The following PWP1 variants were observed in gnomAD, a reference collection of about 807,000 sequenced individuals.
PWP1 encodes periodic tryptophan protein 1 homolog.
A neutral mutation model predicts 69.9 loss-of-function variants in PWP1; 47 were observed. That is an observed-to-expected ratio of 0.67 (90% CI 0.53 to 0.86). PWP1 has a LOEUF of 0.86. Ranked by LOEUF, PWP1 falls within the 40% of genes least tolerant of loss-of-function variation. The pLI is 0.00. For synonymous variants in PWP1, 222 were observed against 208.2 expected, an observed-to-expected ratio of 1.07 and a Z score of -0.57; for missense variants, 551 against 608.8, an observed-to-expected ratio of 0.91 and a Z score of 1.00.
intron 10 of PWP1, 98 bp downstream of exon 10, chr12:107,703,844 G>C: frequency 3.6e-6 from 4 of 1,118,496 alleles, no homozygotes; most frequent in Non-Finnish European, 5.4e-6. Flanking sequence ...GTATCCTTGA[G>C]GCCACCTTTA....
chr12:107,702,171 C>G (rs138877865), intron 8 of PWP1, among the ~76,000 whole-genome samples: 1 of 152,090 alleles, frequency 6.6e-6, no homozygotes, highest in African/African-American at 2.4e-5. Flanking sequence ...TATGAACTTG[C>G]CAACTTTGTT....
chr12:107,699,330 AGGGGG>A (rs752010110), intron 7 of PWP1, 38 bp from the exon 8 acceptor site: 2 of 1,408,288 alleles, frequency 1.4e-6, no homozygotes, highest in Admixed American at 3.6e-5. Flanking sequence ...TTTTATTATG[AGGGGG>A]ACTTTAATAC....
intron 3 of PWP1, among the ~76,000 whole-genome samples, chr12:107,689,989 A>G (rs538986894): frequency 6.6e-6 from 1 of 152,296 alleles, no homozygotes; most frequent in African/African-American, 2.4e-5. Flanking sequence ...GGTTTGAGAA[A>G]TAGGCATTTG....
chr12:107,698,361 G>GA (rs995432445), intron 7 of PWP1, among the ~76,000 whole-genome samples: 1 of 150,560 alleles, frequency 6.6e-6, no homozygotes, highest in South Asian at 2.1e-4. Context: ...TGTCTCAAGG[G>GA]AAAAAAAAGA....
In PWP1 at chr12:107,696,415, G is replaced by A. The variant is rs527835354; in HGVS notation, c.503-59G>A. The A allele has an allele frequency of 2.5e-5, 40 of 1,586,670 alleles. No individual in the cohort carries two copies. The South Asian group carries it at 4.3e-4, about 17-fold the overall frequency. On this transcript the variant is annotated intron_variant, in intron 5 of 14. Coordinates refer to ENST00000412830, the MANE Select transcript of PWP1 (RefSeq NM_007062.3). The stretch of plus-strand genomic sequence containing the variant: ...TAATAGAATTTGTTTTTTTGAGCGG[G>A]ATGTGATTTTTGATGACTCATTCTG...
In PWP1 at chr12:107,703,013, C is replaced by T. The variant is rs376169189; in HGVS notation, c.885C>T (p.Leu295=). ...CCTTGGGGAAACCAGCAGCTAGCCT[C>T]GCTGTACACACAGACAAGGTATGGT... The part of the protein sequence containing the change: ...DMSLGKPAAS[L]AVHTDKVQTL... The change falls in exon 9 of 15, where the codon CTC becomes CTT. Residue 295 remains leucine, a synonymous_variant. Coordinates refer to ENST00000412830, the MANE Select transcript of PWP1 (RefSeq NM_007062.3). 3.0e-5 allele frequency: 48 copies of T among 1,604,710 alleles called. No individual in the cohort carries two copies. Among genetic ancestry groups the T allele is most frequent in the East Asian group, 4.5e-5 (2 of 44,838 alleles).
chr12:107,711,980 G>A (rs1193222083), intron 14 of PWP1, 131 bp from the exon 15 acceptor site: 4 of 640,788 alleles, frequency 6.2e-6, no homozygotes, highest in Non-Finnish European at 1.1e-5. Flanking sequence ...CATTAACTTG[G>A]ACTTCTGAGT....
At chr12:107,694,794 T>A (rs922745555) in intron 5 of PWP1, among the ~76,000 whole-genome samples, 5 of 152,210 alleles carry the variant, frequency 3.3e-5, no homozygotes, top group African/African-American at 1.2e-4. Flanking sequence ...TTAAAGCTGT[T>A]ATATTTCCAT....
At chr12:107,686,833 G>T (rs987359480) in intron 1 of PWP1, among the ~76,000 whole-genome samples, 4 of 152,100 alleles carry the variant, frequency 2.6e-5, no homozygotes, top group Non-Finnish European at 4.4e-5. Flanking sequence ...GGGTGTGGTG[G>T]TGGATGCCTG....
intron 11 of PWP1, among the ~76,000 whole-genome samples, chr12:107,706,029 T>C (rs1889816888): frequency 6.6e-6 from 1 of 152,218 alleles, no homozygotes. Flanking sequence ...TGTAAAACTG[T>C]TCCTATTTCT....
rs527351164 is a variant in PWP1, at chr12:107,704,339, T to A, written c.966-297T>A. On this transcript the variant is annotated intron_variant, in intron 10 of 14. Coordinates refer to ENST00000412830, the MANE Select transcript of PWP1 (RefSeq NM_007062.3). ...CTGAGCTCGGCCAGAGAAGGGGAAA[T>A]TAGAAATTGTCCTGGGCTTTTGGAC... Among the ~76,000 whole-genome samples, 14 of 152,166 alleles carry A rather than the reference T, an allele frequency of 9.2e-5. No homozygotes were observed. The East Asian group carries it at 2.7e-3, about 29-fold the overall frequency.
At chr12:107,689,756 A>T (rs1006968121) in intron 3 of PWP1, among the ~76,000 whole-genome samples, 1 of 152,172 alleles carries the variant, frequency 6.6e-6, no homozygotes, top group African/African-American at 2.4e-5. Context: ...AAAAAGAAAA[A>T]ATCATGGGTG....
intron 11 of PWP1, among the ~76,000 whole-genome samples, chr12:107,707,012 T>G (rs1889837363): frequency 6.6e-6 from 1 of 152,154 alleles, no homozygotes. Flanking sequence ...TTTCACAATA[T>G]TGATTCTTCC....
chr12:107,692,133 A>G (rs565869685), intron 3 of PWP1, among the ~76,000 whole-genome samples: 1 of 152,290 alleles, frequency 6.6e-6, no homozygotes, highest in African/African-American at 2.4e-5. Context: ...TGTAGCAGAA[A>G]TTGCTTTCTC....
intron 1 of PWP1, among the ~76,000 whole-genome samples, chr12:107,686,969 CAAAAAAAAAAAAAAAAA>C (rs61728433): frequency 4.7e-4 from 50 of 106,880 alleles, no homozygotes; most frequent in Admixed American, 4.3e-3. Context: ...GACTCCGTCT[CAAAAAAAAAAAAAAAAA>C]AAAAAAAAAA....
At chr12:107,692,171 T>G (rs1889493863) in intron 3 of PWP1, among the ~76,000 whole-genome samples, 1 of 152,228 alleles carries the variant, frequency 6.6e-6, no homozygotes, top group South Asian at 2.1e-4. Context: ...TTAAGACCTA[T>G]CAGTCCTGCC....
chr12:107,688,638 A>G lies in PWP1; in HGVS notation c.155A>G (p.Glu52Gly). ...AGAGAAGAAGGTGGTGGCAGTGATG[A>G]AGAGGAGACAGGCAGTCCTTCAGAA... ...KLQEEGGGSDEEETGSPSEDG... is the reference protein window; with the variant it reads ...KLQEEGGGSDGEETGSPSEDG... Residue 52 changes from glutamate (E) to glycine (G), a missense_variant, in exon 3 of 15, where the codon GAA (glutamate) becomes GGA (glycine). Glu to Gly is a moderately conservative substitution (Grantham distance 98). Coordinates refer to ENST00000412830, the MANE Select transcript of PWP1 (RefSeq NM_007062.3). 6.2e-7 allele frequency: 1 copy of G among 1,614,106 alleles called. No individual in the cohort carries two copies. The highest frequency in any genetic ancestry group is 2.2e-5 in the East Asian group (1 of 44,886).
Position 107,709,101 on chromosome 12 carries a change from C to T in PWP1, c.1169-10C>T, listed in dbSNP as rs927212332. 2.5e-6 allele frequency: 4 copies of T among 1,613,728 alleles called. No individual in the cohort carries two copies. In the African/African-American group the frequency reaches 5.3e-5, roughly 22 times the overall value. ...TCAAAGCGAAAGTGTCTAAACTTAT[C>T]TTCCTTTAGGTCTTGATCTTAGCAG... On this transcript the variant is annotated splice_polypyrimidine_tract_variant and intron_variant, in intron 12 of 14. Transcript: ENST00000412830.
chr12:107,701,777 A>T (rs533339007), intron 8 of PWP1, among the ~76,000 whole-genome samples: 1 of 152,276 alleles, frequency 6.6e-6, no homozygotes, highest in South Asian at 2.1e-4. Context: ...TCTGGGGTTC[A>T]AGTGATTCTC....
Sources: gnomAD v4.1 joint callset for allele counts (sites outside exome capture counted in the v4.1 genomes callset) on GRCh38, gnomAD v4.1.1 for gene constraint, MANE v1.5 for transcripts, NCBI Gene and HGNC (gene_info 2026-07-23, HGNC 2026-07-21) for gene names.